Variants in TADA2A observed in about 807,000 individuals in gnomAD.
TADA2A encodes transcriptional adaptor 2A, also known as transcriptional adapter 2-alpha.
Under a neutral mutation model 67.4 loss-of-function variants are expected in TADA2A, and 38 were observed. The ratio of observed to expected loss-of-function variants is 0.56; its 90% confidence interval spans 0.44 to 0.74. The LOEUF (loss-of-function observed/expected upper bound fraction) is 0.74, where lower values mean the gene tolerates loss of function less well. Ranked by LOEUF, TADA2A falls within the 30% of genes least tolerant of loss-of-function variation. The pLI, the probability that TADA2A is intolerant of heterozygous loss-of-function variation, is 0.00. For missense variants in TADA2A, 454 were observed against 547.0 expected, an observed-to-expected ratio of 0.83 and a Z score of 1.70; for synonymous variants, 192 against 181.6, an observed-to-expected ratio of 1.06 and a Z score of -0.46.
intron 1 of TADA2A, among the ~76,000 whole-genome samples, chr17:37,409,577 G>A (rs1045100674): frequency 8.6e-5 from 13 of 151,828 alleles, no homozygotes; most frequent in Non-Finnish European, 1.5e-4. Context: ...GACCAGCCTG[G>A]CCAACATGGT....
Position 37,442,619 on chromosome 17 carries a change from C to T in TADA2A, c.498C>T (p.Ala166=), listed in dbSNP as rs529808906. The change falls in exon 7 of 16, where the codon GCC becomes GCT. Residue 166 remains alanine, a synonymous_variant. Transcript: ENST00000615182. ...ACTCCTTGCTTTCTCGGGACATGGC[C>T]GGGTACATGCCAGCTCGAGCAGATT... is the stretch of plus-strand genomic sequence containing the variant. The part of the protein sequence containing the change: ...TFDSLLSRDM[A]GYMPARADFI... The T allele has an allele frequency of 2.1e-5, 34 of 1,613,806 alleles. No individual in the cohort carries two copies. The highest frequency in any genetic ancestry group is 9.9e-5 in the South Asian group (9 of 91,048).
intron 4 of TADA2A, among the ~76,000 whole-genome samples, chr17:37,430,908 AGT>A (rs1290217210): frequency 1.3e-5 from 2 of 152,164 alleles, no homozygotes; most frequent in Admixed American, 6.6e-5. Flanking sequence ...CTGAATTGAG[AGT>A]GATTATGAAT....
At chr17:37,421,579 A>G (rs1336586594) in intron 2 of TADA2A, among the ~76,000 whole-genome samples, 2 of 146,926 alleles carry the variant, frequency 1.4e-5, no homozygotes, top group African/African-American at 4.9e-5. Flanking sequence ...GAGCCCAGGA[A>G]TTCAAGACCA....
chr17:37,460,132 CTGAACTCCTAGACTCAAGGCA>C (rs2053512842), intron 9 of TADA2A, among the ~76,000 whole-genome samples: 1 of 151,118 alleles, frequency 6.6e-6, no homozygotes, highest in African/African-American at 2.4e-5. Flanking sequence ...TGGGCTGGTC[CTGAACTCCTAGACTCAAGGCA>C]TCCTACTGCC....
chr17:37,413,082 A>G (rs2051928095), intron 2 of TADA2A, among the ~76,000 whole-genome samples: 1 of 151,906 alleles, frequency 6.6e-6, no homozygotes. Context: ...GTCTGCCACC[A>G]CGCCCGGCTA....
At chr17:37,464,822 G>GA (rs1290162954) in intron 10 of TADA2A, among the ~76,000 whole-genome samples, 11 of 134,334 alleles carry the variant, frequency 8.2e-5, no homozygotes, top group Non-Finnish European at 1.4e-4. Flanking sequence ...CTGGGCCACA[G>GA]AGCAAGACTC....
chr17:37,469,844 G>A (rs1404730790), intron 12 of TADA2A, among the ~76,000 whole-genome samples: 2 of 152,176 alleles, frequency 1.3e-5, no homozygotes, highest in East Asian at 3.8e-4. Context: ...TTGTTAACAT[G>A]TAGAAAACAC....
In TADA2A at chr17:37,411,407, C is replaced by T. The variant is rs201213088; in HGVS notation, c.25+17C>T. The T allele has an allele frequency of 5.0e-6, 8 of 1,609,870 alleles. No homozygotes were observed. The highest frequency in any genetic ancestry group is 4.5e-5 in the East Asian group (2 of 44,864). ...CCTTTAGCAGTAAGTACAGTGGGAA[C>T]AAGTCTCAGGTGACTTATTATTATT... On this transcript the variant is annotated intron_variant, in intron 2 of 15. Coordinates refer to ENST00000615182, the MANE Select transcript of TADA2A (RefSeq NM_001166105.3).
chr17:37,432,111 A>G (rs2052585818), intron 4 of TADA2A, among the ~76,000 whole-genome samples: 1 of 151,910 alleles, frequency 6.6e-6, no homozygotes, highest in South Asian at 2.1e-4. Flanking sequence ...ATATGGAATC[A>G]TACTGTATGT....
chr17:37,439,941 TATTA>T (rs1421044702), intron 5 of TADA2A, among the ~76,000 whole-genome samples: 1,005 of 51,250 alleles, frequency 0.02, 7 homozygotes, highest in African/African-American at 0.049. Flanking sequence ...TTTATTTATT[TATTA>T]TTTTTTTTTT....
At chr17:37,461,287 T>C in intron 9 of TADA2A, among the ~76,000 whole-genome samples, 1 of 152,144 alleles carries the variant, frequency 6.6e-6, no homozygotes, top group South Asian at 2.1e-4. Flanking sequence ...GTAAAGCTGC[T>C]CACCTGCTGT....
intron 4 of TADA2A, among the ~76,000 whole-genome samples, chr17:37,433,106 T>A (rs975592833): frequency 3.9e-5 from 6 of 151,912 alleles, no homozygotes; most frequent in Non-Finnish European, 7.4e-5. Flanking sequence ...AATTATTTTT[T>A]AAATTTTCTT....
chr17:37,414,179 TTTTC>T (rs1386140183), intron 2 of TADA2A, among the ~76,000 whole-genome samples: 2 of 152,152 alleles, frequency 1.3e-5, no homozygotes, highest in Non-Finnish European at 2.9e-5. Flanking sequence ...ATGTACCGCA[TTTTC>T]TTTATCTGTT....
chr17:37,472,157 C>G (rs574714126), intron 14 of TADA2A, among the ~76,000 whole-genome samples: 1 of 152,074 alleles, frequency 6.6e-6, no homozygotes, highest in Admixed American at 6.5e-5. Flanking sequence ...CCTCTGCCTT[C>G]CGGATTCAAG....
chr17:37,426,814 C>T (rs1031948011), intron 3 of TADA2A, 136 bp from the exon 4 acceptor site: 6 of 700,906 alleles, frequency 8.6e-6, no homozygotes, highest in Non-Finnish European at 1.4e-5. Context: ...CACTGCACTT[C>T]GGCCTGGGTG....
At chr17:37,453,155 T>G (rs1473835538) in intron 8 of TADA2A, among the ~76,000 whole-genome samples, 4 of 152,110 alleles carry the variant, frequency 2.6e-5, no homozygotes, top group Admixed American at 2.6e-4. Context: ...TCTAAGAATA[T>G]CCTTCAGATG....
At position 37,477,333 on chromosome 17, in the gene TADA2A, C is replaced by G. The variant is rs201151504; in HGVS notation, c.*351C>G. ...AGTCTGTAATCCCAGGAGTCCAGCT[C>G]AGATCCTTATATTGCGAGGTAAGTT... On this transcript the variant is annotated 3_prime_UTR_variant, in exon 16 of 16. Coordinates refer to ENST00000615182, the MANE Select transcript of TADA2A (RefSeq NM_001166105.3). The G allele has an allele frequency of 4.6e-6, 1 of 215,852 alleles. No individual in the cohort carries two copies. The highest frequency in any genetic ancestry group is 1.0e-4 in the East Asian group (1 of 9,764). The allele number at this position is 215,852 out of a possible 1,614,324, so 13.4% of individuals were successfully genotyped here.
chr17:37,418,788 C>T (rs2147914304), intron 2 of TADA2A, among the ~76,000 whole-genome samples: 1 of 152,060 alleles, frequency 6.6e-6, no homozygotes, highest in East Asian at 1.9e-4. Context: ...GGGGTTTCAC[C>T]ATGTTGGCCA....
chr17:37,473,992 G>T (rs1046004174), intron 14 of TADA2A, among the ~76,000 whole-genome samples: 4 of 152,162 alleles, frequency 2.6e-5, no homozygotes, highest in African/African-American at 9.7e-5. Flanking sequence ...ATTTCCATTC[G>T]TCAGCTGTCA....
Sources: allele counts gnomAD v4.1 joint callset (sites outside exome capture counted in the v4.1 genomes callset), GRCh38; gene constraint gnomAD v4.1.1; transcripts MANE v1.5; gene names NCBI Gene and HGNC (gene_info 2026-07-23, HGNC 2026-07-21).